NCAM1: variants seen among roughly 807,000 people sequenced by gnomAD.
NCAM1 encodes antigen recognized by monoclonal antibody 5.1H11.
NCAM1 carries 14 observed loss-of-function variants against 109.8 expected under a neutral mutation model. The observed-to-expected ratio is 0.13, with a 90% CI of 0.08 to 0.20. The LOEUF (loss-of-function observed/expected upper bound fraction) is 0.20, where lower values mean the gene tolerates loss of function less well. Ranked by LOEUF, NCAM1 falls within the 10% of genes least tolerant of loss-of-function variation. The probability of loss-of-function intolerance (pLI) is 1.00; values close to 1 mark genes in which losing one functional copy is unlikely to be tolerated. For missense variants in NCAM1, 774 were observed against 1,109.9 expected (o/e 0.70, Z 4.30); for synonymous variants, 418 against 442.9 (o/e 0.94, Z 0.70).
chr11:113,123,345 T>C (rs1170167794), intron 1 of NCAM1, among the ~76,000 whole-genome samples: 1 of 152,194 alleles, frequency 6.6e-6, no homozygotes, highest in Non-Finnish European at 1.5e-5. Context: ...CAAATATTAA[T>C]GTATCAATTT....
intron 7 of NCAM1, among the ~76,000 whole-genome samples, chr11:113,214,131 A>G (rs563295306): frequency 6.6e-6 from 1 of 152,206 alleles, no homozygotes; most frequent in African/African-American, 2.4e-5. Context: ...TGCCTCCTGC[A>G]TTCCTTGCCC....
chr11:113,063,555 G>T (rs1555083751), intron 1 of NCAM1, among the ~76,000 whole-genome samples: 1 of 152,168 alleles, frequency 6.6e-6, no homozygotes, highest in South Asian at 2.1e-4. Context: ...CAGATGAACT[G>T]CTTCATTTCA....
chr11:113,199,485 T>C (rs925347439), intron 1 of NCAM1, among the ~76,000 whole-genome samples: 2 of 151,912 alleles, frequency 1.3e-5, no homozygotes, highest in Admixed American at 6.6e-5. Context: ...GAACCTGGGG[T>C]TCCTCTGGGC....
Position 113,255,929 on chromosome 11 carries a change from T to C in NCAM1, c.1881T>C (p.Ser627=), listed in dbSNP as rs1945820742. 2 of 1,611,432 alleles carry C rather than the reference T, an allele frequency of 1.2e-6. No individual in the cohort carries two copies. Among genetic ancestry groups the C allele is most frequent in the Non-Finnish European group, 1.7e-6 (2 of 1,178,986 alleles). Reference sequence around the variant, plus strand: ...GGCAGATGGGAGAGGATGGAAACTCTATTAAAGTGAACCTGATCAAGCAGG... The same window carrying C: ...GGCAGATGGGAGAGGATGGAAACTCCATTAAAGTGAACCTGATCAAGCAGG... ...LEGQMGEDGN[S]IKVNLIKQDD... is the part of the protein sequence containing the mutation. The change falls in exon 16 of 20, where the codon TCT becomes TCC. Residue 627 remains serine (S), a synonymous_variant. Transcript: ENST00000316851.
intron 1 of NCAM1, among the ~76,000 whole-genome samples, chr11:112,976,231 T>G (rs1951002960): frequency 6.6e-6 from 1 of 152,122 alleles, no homozygotes; most frequent in East Asian, 1.9e-4. Flanking sequence ...ACTTTTTGTT[T>G]GTGATAAGTG....
chr11:113,054,503 C>T (rs1953619205), intron 1 of NCAM1, among the ~76,000 whole-genome samples: 1 of 152,146 alleles, frequency 6.6e-6, no homozygotes, highest in African/African-American at 2.4e-5. Context: ...TGGGTAGTCC[C>T]TGAAATTCTA....
chr11:113,246,704 T>G (rs965276152), intron 15 of NCAM1, among the ~76,000 whole-genome samples: 5 of 152,366 alleles, frequency 3.3e-5, no homozygotes, highest in Non-Finnish European at 4.4e-5. Flanking sequence ...GTTTGGCAAA[T>G]TAGCTTGATA....
chr11:113,243,476 T>C (rs1364153983), intron 14 of NCAM1: 8 of 472,424 alleles, frequency 1.7e-5, no homozygotes, highest in Non-Finnish European at 3.4e-5. Context: ...GGGTTGAGAG[T>C]CCAGATGAAA....
chr11:112,986,305 G>A (rs1591216330), intron 1 of NCAM1, among the ~76,000 whole-genome samples: 1 of 151,940 alleles, frequency 6.6e-6, no homozygotes, highest in African/African-American at 2.4e-5. Flanking sequence ...TGTTGAATTA[G>A]GTTTGCTAGT....
intron 1 of NCAM1, among the ~76,000 whole-genome samples, chr11:113,178,676 CA>C (rs1203872431): frequency 6.6e-6 from 1 of 152,082 alleles, no homozygotes; most frequent in Non-Finnish European, 1.5e-5. Context: ...AAGCTCATTG[CA>C]AAAAGAAAGA....
At position 113,207,248 on chromosome 11, in the gene NCAM1, T is replaced by C; in HGVS notation, c.629-13T>C. The C allele has an allele frequency of 1.2e-6, 2 of 1,608,032 alleles. No individual in the cohort carries two copies. The highest frequency in any genetic ancestry group is 1.7e-6 in the Non-Finnish European group (2 of 1,174,972). On this transcript the variant is annotated splice_polypyrimidine_tract_variant and intron_variant, in intron 5 of 19. Transcript: ENST00000316851. ...TTTTCACAACCACCCCATGACACCC[T>C]TTTTTCCTTCAGTGCCACCTACCAT...
intron 1 of NCAM1, among the ~76,000 whole-genome samples, chr11:113,135,394 GACTTGGGCA>G (rs1941560575): frequency 6.6e-6 from 1 of 152,180 alleles, no homozygotes; most frequent in African/African-American, 2.4e-5. Context: ...ACAGAAAACA[GACTTGGGCA>G]ACAGGGTCTG....
chr11:113,085,460 T>G (rs181174017), intron 1 of NCAM1, among the ~76,000 whole-genome samples: 4 of 152,236 alleles, frequency 2.6e-5, no homozygotes, highest in East Asian at 1.9e-4. Flanking sequence ...TGAAAAGTGA[T>G]GGATATAGAC....
Position 112,972,305 on chromosome 11 carries a change from A to G in NCAM1, c.52+10641A>G, listed in dbSNP as rs150163980. On this transcript the variant is annotated intron_variant, in intron 1 of 19. Transcript: ENST00000316851. ...CTATATTTTTATATGTTCAGTGGAG[A>G]GAAAAACACCATGAGTTATGGTCAG... 2.7e-3 allele frequency among the ~76,000 whole-genome samples: 404 copies of G among 152,256 alleles called. 6 individuals are homozygous for G. Among genetic ancestry groups the G allele is most frequent in the African/African-American group, 9.3e-3 (388 of 41,556 alleles).
intron 1 of NCAM1, among the ~76,000 whole-genome samples, chr11:113,121,882 T>C (rs532524729): frequency 2.9e-4 from 44 of 152,328 alleles, no homozygotes; most frequent in African/African-American, 9.1e-4. Flanking sequence ...AGTGCTTCCA[T>C]TGGCAAATGT....
In NCAM1 at chr11:113,047,171, A is replaced by AT. The variant is rs570760665; in HGVS notation, c.52+85514dup. 6.2e-4 allele frequency among the ~76,000 whole-genome samples: 95 copies of AT among 152,170 alleles called. 1 individual carries two copies. The highest frequency in any genetic ancestry group is 4.9e-3 in the Admixed American group (75 of 15,270). On this transcript the variant is annotated intron_variant, in intron 1 of 19. Coordinates refer to ENST00000316851, the MANE Select transcript of NCAM1 (RefSeq NM_181351.5). ...GGAGCTAACTTTTTTATTGTGCCACATTTTTTTCTGAATAATAACAGATGA... is the reference window on the plus strand; with the variant it reads ...GGAGCTAACTTTTTTATTGTGCCACATTTTTTTTCTGAATAATAACAGATGA...
intron 1 of NCAM1, among the ~76,000 whole-genome samples, chr11:113,047,563 C>A (rs1953313709): frequency 6.6e-6 from 1 of 152,136 alleles, no homozygotes; most frequent in South Asian, 2.1e-4. Context: ...TTCCTGGTGT[C>A]CCTGAAGTCA....
At chr11:113,200,163 TG>T (rs1379649711) in intron 1 of NCAM1, among the ~76,000 whole-genome samples, 1 of 152,136 alleles carries the variant, frequency 6.6e-6, no homozygotes, top group Admixed American at 6.5e-5. Context: ...CAAACTTTCT[TG>T]GGGGGACTCA....
At chr11:113,051,613 A>G (rs1953495099) in intron 1 of NCAM1, among the ~76,000 whole-genome samples, 1 of 152,074 alleles carries the variant, frequency 6.6e-6, no homozygotes, top group African/African-American at 2.4e-5. Context: ...TATAAACTAT[A>G]TTTTTCATAT....
Sources: allele counts gnomAD v4.1 joint callset (sites outside exome capture counted in the v4.1 genomes callset), GRCh38; gene constraint gnomAD v4.1.1; transcripts MANE v1.5; gene names NCBI Gene and HGNC (gene_info 2026-07-23, HGNC 2026-07-21).